RSU1: variants seen among roughly 807,000 people sequenced by gnomAD.
RSU1 encodes rsu-1.
Under a neutral mutation model 31.1 loss-of-function variants are expected in RSU1, and 26 were observed. The ratio of observed to expected loss-of-function variants is 0.84; its 90% CI spans 0.61 to 1.16. The LOEUF (loss-of-function observed/expected upper bound fraction) is 1.16. RSU1 is among the 50% of genes most tolerant of loss of function. The probability of loss-of-function intolerance (pLI) is 0.00; values close to 1 mark genes in which losing one functional copy is unlikely to be tolerated. For synonymous variants in RSU1, 164 were observed against 136.3 expected (o/e 1.20, Z -1.41); for missense variants, 320 against 339.1 (o/e 0.94, Z 0.44).
intron 7 of RSU1, among the ~76,000 whole-genome samples, chr10:16,701,293 G>C (rs1835788072): frequency 6.6e-6 from 1 of 152,212 alleles, no homozygotes; most frequent in African/African-American, 2.4e-5. Context: ...CATCACGCTT[G>C]TGGCCCATTC....
chr10:16,778,421 C>A (rs1265029825), intron 3 of RSU1, among the ~76,000 whole-genome samples: 1 of 152,098 alleles, frequency 6.6e-6, no homozygotes, highest in African/African-American at 2.4e-5. Flanking sequence ...CTCCTGGGAG[C>A]AATGAACACT....
intron 6 of RSU1, 65 bp from the exon 7 acceptor site, chr10:16,752,718 A>G: frequency 8.1e-7 from 1 of 1,234,018 alleles, no homozygotes; most frequent in South Asian, 1.2e-5. Context: ...AGAAACTCTC[A>G]TCCTCTATGT....
chr10:16,668,351 A>G (rs1835039102), intron 8 of RSU1, among the ~76,000 whole-genome samples: 1 of 152,208 alleles, frequency 6.6e-6, no homozygotes, highest in Non-Finnish European at 1.5e-5. Flanking sequence ...TAACTGTGCA[A>G]TGAAGGACGA....
At chr10:16,641,574 T>G (rs1489121440) in intron 8 of RSU1, among the ~76,000 whole-genome samples, 3 of 152,090 alleles carry the variant, frequency 2.0e-5, no homozygotes, top group African/African-American at 7.2e-5. Flanking sequence ...TAAGTACATC[T>G]TTATTAGGAC....
intron 7 of RSU1, among the ~76,000 whole-genome samples, chr10:16,725,753 G>T (rs1171833740): frequency 6.7e-6 from 1 of 149,700 alleles, no homozygotes; most frequent in Non-Finnish European, 1.5e-5. Context: ...CCCCAGAATG[G>T]TAAGAAATAA....
chr10:16,600,515 A>G (rs1195209558), intron 8 of RSU1, among the ~76,000 whole-genome samples: 3 of 151,490 alleles, frequency 2.0e-5, no homozygotes, highest in Non-Finnish European at 2.9e-5. Flanking sequence ...TTTTTGATTA[A>G]GCAGATATAT....
intron 8 of RSU1, among the ~76,000 whole-genome samples, chr10:16,602,959 G>A (rs1011395953): frequency 3.3e-5 from 5 of 152,168 alleles, no homozygotes; most frequent in Admixed American, 6.5e-5. Flanking sequence ...ACCTGAGCAT[G>A]TAAATTGCTG....
intron 8 of RSU1, among the ~76,000 whole-genome samples, chr10:16,652,264 AAAAG>A (rs1834697801): frequency 6.6e-6 from 1 of 152,046 alleles, no homozygotes; most frequent in Admixed American, 6.5e-5. Context: ...TTCTCATAGA[AAAAG>A]AAAGCAAACT....
rs79138556 is a variant in RSU1, at chr10:16,695,810, G to A, written c.599-655C>T. 2.4e-3 allele frequency among the ~76,000 whole-genome samples: 365 copies of A among 152,256 alleles called. 2 individuals carry two copies. Among genetic ancestry groups the A allele is most frequent in the African/African-American group, 8.4e-3 (348 of 41,560 alleles). On this transcript the variant is annotated intron_variant, in intron 7 of 8. Coordinates refer to ENST00000345264, the MANE Select transcript of RSU1 (RefSeq NM_012425.4). ...GAAACTTAAGGAAATTAACTAATAT[G>A]CCCAAGATCAGAAAAAGCCAGCATG...
At position 16,610,385 on chromosome 10, in the gene RSU1, A is replaced by G. The variant is rs111432523; in HGVS notation, c.732-16889T>C. On this transcript the variant is annotated intron_variant, in intron 8 of 8. Transcript: ENST00000345264. ...TTTCCTGTCATCCTGGCACTTGGTT[A>G]CTTTTAATACTTTAGAAAACGGGTG... Among the ~76,000 whole-genome samples the G allele has an allele frequency of 5.1e-3, 770 of 152,294 alleles. 4 individuals carry two copies. Among genetic ancestry groups the G allele is most frequent in the African/African-American group, 0.017 (710 of 41,566 alleles).
intron 8 of RSU1, among the ~76,000 whole-genome samples, chr10:16,676,714 C>G (rs1198902854): frequency 6.6e-6 from 1 of 152,182 alleles, no homozygotes; most frequent in East Asian, 1.9e-4. Flanking sequence ...CAAAAAGGTT[C>G]AGATATGGTG....
At chr10:16,698,333 C>T (rs1344164704) in intron 7 of RSU1, among the ~76,000 whole-genome samples, 1 of 152,076 alleles carries the variant, frequency 6.6e-6, no homozygotes, top group Non-Finnish European at 1.5e-5. Context: ...TTAAAGACCC[C>T]TCCTTGAACT....
intron 8 of RSU1, among the ~76,000 whole-genome samples, chr10:16,685,802 C>G (rs1172462133): frequency 6.6e-6 from 1 of 152,152 alleles, no homozygotes; most frequent in African/African-American, 2.4e-5. Context: ...TACTCAGTTA[C>G]CATTGAAGAT....
chr10:16,728,087 G>C (rs1162887263), intron 7 of RSU1, among the ~76,000 whole-genome samples: 1 of 152,178 alleles, frequency 6.6e-6, no homozygotes, highest in Admixed American at 6.5e-5. Flanking sequence ...CCCTCTGAAT[G>C]AGACTATTTG....
At chr10:16,757,086 G>C (rs1423682975) in intron 4 of RSU1, among the ~76,000 whole-genome samples, 1 of 149,182 alleles carries the variant, frequency 6.7e-6, no homozygotes, top group African/African-American at 2.5e-5. Context: ...TGTGCTGTGG[G>C]TGTGGTGCGT....
intron 7 of RSU1, among the ~76,000 whole-genome samples, chr10:16,743,790 A>T (rs1308495193): frequency 1.3e-5 from 2 of 152,184 alleles, no homozygotes; most frequent in South Asian, 2.1e-4. Flanking sequence ...GAGTCTGCTT[A>T]TTCTAGACAT....
intron 7 of RSU1, among the ~76,000 whole-genome samples, chr10:16,701,013 GT>G (rs1450575276): frequency 2.6e-5 from 4 of 152,138 alleles, no homozygotes; most frequent in Non-Finnish European, 2.9e-5. Flanking sequence ...ATAATATTAA[GT>G]TTTTAAGGTT....
chr10:16,746,043 G>T (rs1340388915), intron 7 of RSU1, among the ~76,000 whole-genome samples: 1 of 152,182 alleles, frequency 6.6e-6, no homozygotes, highest in Non-Finnish European at 1.5e-5. Context: ...AGGATTAAGA[G>T]ATATAACAAG....
intron 8 of RSU1, among the ~76,000 whole-genome samples, chr10:16,607,493 G>A (rs1833823909): frequency 6.6e-6 from 1 of 152,192 alleles, no homozygotes; most frequent in African/African-American, 2.4e-5. Context: ...TAATCCACTA[G>A]CAGGGTGATT....
Sources: gnomAD v4.1 joint callset for allele counts (sites outside exome capture counted in the v4.1 genomes callset) on GRCh38, gnomAD v4.1.1 for gene constraint, MANE v1.5 for transcripts, NCBI Gene and HGNC (gene_info 2026-07-23, HGNC 2026-07-21) for gene names.